Variants in UGT3A2 observed in about 807,000 individuals in gnomAD.
The protein encoded by UGT3A2 is UDP-glycosyltransferase 3A2.
UGT3A2 carries 32 observed loss-of-function variants against 39.8 expected under a neutral mutation model. The observed-to-expected ratio is 0.80, with a 90% CI of 0.61 to 1.08. The LOEUF (loss-of-function observed/expected upper bound fraction) is 1.08. Ranked by LOEUF, UGT3A2 falls within the 50% of genes least tolerant of loss-of-function variation. The probability of loss-of-function intolerance (pLI) is 0.00; values close to 1 mark genes in which losing one functional copy is unlikely to be tolerated. For missense variants in UGT3A2, 611 were observed against 637.1 expected (o/e 0.96, Z 0.44); for synonymous variants, 241 against 230.7 (o/e 1.04, Z -0.40).
At chr5:36,064,425 AGAG>A in intron 1 of UGT3A2, 75 bp from the exon 2 acceptor site, 1 of 1,293,962 alleles carries the variant, frequency 7.7e-7, no homozygotes, top group Non-Finnish European at 1.1e-6. Flanking sequence ...TCAATCCAGG[AGAG>A]GAAAGGTAAG....
intron 1 of UGT3A2, among the ~76,000 whole-genome samples, chr5:36,065,181 G>T (rs1442779604): frequency 1.3e-5 from 2 of 151,976 alleles, no homozygotes; most frequent in Non-Finnish European, 2.9e-5. Context: ...CAGCAGCAGA[G>T]AAAGGAAGAT....
intron 2 of UGT3A2, 88 bp downstream of exon 2, chr5:36,064,160 TA>T: frequency 8.1e-7 from 1 of 1,240,616 alleles, no homozygotes; most frequent in Non-Finnish European, 1.1e-6. Context: ...ATTAGATTTT[TA>T]AAAAACATTT....
chr5:36,052,068 T>C (rs1742361086), intron 2 of UGT3A2, 84 bp from the exon 3 acceptor site: 1 of 832,570 alleles, frequency 1.2e-6, no homozygotes, highest in Non-Finnish European at 1.9e-6. Flanking sequence ...CAAAACTTAT[T>C]TCAAAGATTA....
Position 36,035,936 on chromosome 5 carries a change from C to T in UGT3A2, c.1334G>A (p.Arg445His), listed in dbSNP as rs914741137. 10 of 1,614,016 alleles carry T rather than the reference C, an allele frequency of 6.2e-6. No individual in the cohort carries two copies. Among genetic ancestry groups the T allele is most frequent in the East Asian group, 2.2e-5 (1 of 44,868 alleles). The change falls in exon 7 of 7, where the codon CGC becomes CAC. Residue 445 changes from arginine to histidine, a missense_variant. By Grantham distance (29) the Arg-to-His change is conservative. Coordinates refer to ENST00000282507, the MANE Select transcript of UGT3A2 (RefSeq NM_174914.4). ...CTGTGTGGGGCTGAGCGGGTGGGAG[C>T]GCAGGATGACACTGGCAGCCACTGC... ...SAAVAASVIL[R>H]SHPLSPTQRL...
chr5:36,062,378 CTAACGTT>C (rs1165001186), intron 2 of UGT3A2, among the ~76,000 whole-genome samples: 5 of 152,152 alleles, frequency 3.3e-5, no homozygotes, highest in Admixed American at 6.5e-5. Context: ...GGTTTTAAGT[CTAACGTT>C]TAAGTCTTTA....
Position 36,049,440 on chromosome 5 carries a change from A to C in UGT3A2, c.312-20T>G, listed in dbSNP as rs1742274712. The C allele has an allele frequency of 4.7e-6, 7 of 1,502,206 alleles. No homozygotes were observed. The highest frequency in any genetic ancestry group is 6.3e-6 in the Non-Finnish European group (7 of 1,117,878). 93.1% of individuals were successfully genotyped at this position (1,502,206 alleles called of 1,614,324 possible). A position where few individuals can be genotyped will look rare whatever the true frequency, so the allele number is the denominator to read the frequency against. The stretch of plus-strand genomic sequence containing the variant: ...TTTCCTCTGTAAGAAAAAAATGATA[A>C]TAAATATTCATGGGAAGTGTTAAAT... On this transcript the variant is annotated intron_variant, in intron 3 of 6. Transcript: ENST00000282507.
intron 4 of UGT3A2, among the ~76,000 whole-genome samples, chr5:36,043,890 G>A (rs1742087026): frequency 6.6e-6 from 1 of 151,978 alleles, no homozygotes; most frequent in Non-Finnish European, 1.5e-5. Flanking sequence ...GAAAAGCCTA[G>A]GACCCAATGT....
intron 2 of UGT3A2, among the ~76,000 whole-genome samples, chr5:36,063,060 T>C (rs1742762177): frequency 6.6e-6 from 1 of 152,172 alleles, no homozygotes; most frequent in South Asian, 2.1e-4. Context: ...AAAATGGTTT[T>C]AGAAATCTGA....
rs141515308 is a variant in UGT3A2 at position 36,046,627 on chromosome 5, G to A, written c.843+2262C>T. Among the ~76,000 whole-genome samples, 67 of 152,286 alleles carry A rather than the reference G, an allele frequency of 4.4e-4. No homozygotes were observed. In the Middle Eastern group the frequency reaches 0.014, roughly 31 times the overall value. ...CGCTGGGATGGGTAGTTAGGGGCTG[G>A]GGGAGTGGGTATGGTTAATGGTACG... On this transcript the variant is annotated intron_variant, in intron 4 of 6. Coordinates refer to ENST00000282507, the MANE Select transcript of UGT3A2 (RefSeq NM_174914.4).
intron 4 of UGT3A2, among the ~76,000 whole-genome samples, chr5:36,045,507 C>T (rs147845336): frequency 3.3e-5 from 5 of 151,398 alleles, no homozygotes; most frequent in East Asian, 3.9e-4. Context: ...GCAGGAGAAT[C>T]GCTTGAATCC....
intron 2 of UGT3A2, among the ~76,000 whole-genome samples, chr5:36,058,323 A>G (rs1159600418): frequency 6.6e-6 from 1 of 152,192 alleles, no homozygotes; most frequent in Non-Finnish European, 1.5e-5. Flanking sequence ...CAGAATAGTG[A>G]ATTAACAGAG....
In UGT3A2 at chr5:36,039,542, G is replaced by A; in HGVS notation, c.1010C>T (p.Pro337Leu). The A allele has an allele frequency of 6.2e-7, 1 of 1,614,106 alleles. No individual in the cohort carries two copies. The highest frequency in any genetic ancestry group is 1.1e-5 in the South Asian group (1 of 91,072). The change falls in exon 5 of 7, where the codon CCC (proline) becomes CTC (leucine). Residue 337 changes from proline (P) to leucine (L), a missense_variant. Physicochemically the swap from Pro to Leu is moderately conservative, Grantham distance 98. Coordinates refer to ENST00000282507, the MANE Select transcript of UGT3A2 (RefSeq NM_174914.4). ...ATTTGCAGCCAGGTGGACATCTTTG[G>A]GCCAATGAGAACACTGACACTTCCA... ...VIWKCQCSHW[P>L]KDVHLAANVK...
Position 36,035,662 on chromosome 5 carries a change from C to T in UGT3A2, c.*36G>A, listed in dbSNP as rs747935189. ...AAGCTCCCTAGAAATGGTGACATCG[C>T]CCACCAAACAGACCCCGCCAAGGCT... is the stretch of plus-strand genomic sequence containing the variant. On this transcript the variant is annotated 3_prime_UTR_variant, in exon 7 of 7. Coordinates refer to ENST00000282507, the MANE Select transcript of UGT3A2 (RefSeq NM_174914.4). The T allele has an allele frequency of 1.9e-6, 3 of 1,599,396 alleles. No homozygotes were observed. The highest frequency in any genetic ancestry group is 2.6e-6 in the Non-Finnish European group (3 of 1,170,142).
chr5:36,039,770 GAAA>G (rs1741949405), intron 4 of UGT3A2, 62 bp from the exon 5 acceptor site: 1 of 1,398,616 alleles, frequency 7.1e-7, no homozygotes, highest in African/African-American at 1.4e-5. Flanking sequence ...TAGTTGACCA[GAAA>G]ATGAAAGCCA....
chr5:36,046,201 A>C (rs1234774941), intron 4 of UGT3A2, among the ~76,000 whole-genome samples: 3 of 152,224 alleles, frequency 2.0e-5, no homozygotes, highest in Non-Finnish European at 4.4e-5. Context: ...AGCAGTTTAG[A>C]GGTTCATCGA....
intron 2 of UGT3A2, among the ~76,000 whole-genome samples, chr5:36,060,428 A>G (rs1005565859): frequency 1.3e-5 from 2 of 152,126 alleles, no homozygotes; most frequent in Non-Finnish European, 2.9e-5. Context: ...CCCAAGTGCA[A>G]TATTTCTTAC....
chr5:36,045,635 A>AAAAGG (rs1313269964), intron 4 of UGT3A2, among the ~76,000 whole-genome samples: 1 of 151,920 alleles, frequency 6.6e-6, no homozygotes, highest in Non-Finnish European at 1.5e-5. Context: ...AAAAGAAAAG[A>AAAAGG]AAAGAAAAAG....
chr5:36,057,979 A>G (rs1742566971), intron 2 of UGT3A2, among the ~76,000 whole-genome samples: 1 of 152,232 alleles, frequency 6.6e-6, no homozygotes, highest in African/African-American at 2.4e-5. Context: ...CTATTTAATC[A>G]GATATCCAGT....
intron 1 of UGT3A2, among the ~76,000 whole-genome samples, chr5:36,066,045 TC>T (rs1251921979): frequency 1.3e-5 from 2 of 152,130 alleles, no homozygotes; most frequent in East Asian, 3.8e-4. Context: ...GTCCCATGAA[TC>T]CCTCAAATAA....
Sources: gnomAD v4.1 joint callset for allele counts (sites outside exome capture counted in the v4.1 genomes callset) on GRCh38, gnomAD v4.1.1 for gene constraint, MANE v1.5 for transcripts, NCBI Gene and HGNC (gene_info 2026-07-23, HGNC 2026-07-21) for gene names.